The following ITGA4 variants were observed in gnomAD, a reference collection of about 807,000 sequenced individuals.
ITGA4 encodes integrin alpha-4.
Under a neutral mutation model 133.6 loss-of-function variants are expected in ITGA4, and 63 were observed. That is an observed-to-expected ratio of 0.47 (90% CI 0.38 to 0.58). ITGA4 has a LOEUF of 0.58. Ranked by LOEUF, ITGA4 falls within the 20% of genes least tolerant of loss-of-function variation. The probability of loss-of-function intolerance (pLI) is 0.00; values close to 1 mark genes in which losing one functional copy is unlikely to be tolerated. For missense variants in ITGA4, 1,076 were observed against 1,252.7 expected (o/e 0.86, Z 2.13); for synonymous variants, 483 against 438.0 (o/e 1.10, Z -1.28).
Position 181,491,960 on chromosome 2 carries a change from A to G in ITGA4, c.1154-1365A>G, listed in dbSNP as rs114191580. Among the ~76,000 whole-genome samples, 896 of 152,244 alleles carry G rather than the reference A, an allele frequency of 5.9e-3. 7 individuals are homozygous for G. Among genetic ancestry groups the G allele is most frequent in the African/African-American group, 0.021 (855 of 41,560 alleles). ...CCTTTTCTTCACCTGTCTATGACCT[A>G]TGGATACTTTAATCTCATCTTGGGC... On this transcript the variant is annotated intron_variant, in intron 10 of 27. Coordinates refer to ENST00000397033, the MANE Select transcript of ITGA4 (RefSeq NM_000885.6).
At chr2:181,513,550 G>T (rs1272685313) in intron 17 of ITGA4, among the ~76,000 whole-genome samples, 1 of 151,922 alleles carries the variant, frequency 6.6e-6, no homozygotes, top group Non-Finnish European at 1.5e-5. Context: ...ATCCTACCTA[G>T]GTCACTAAGT....
chr2:181,471,743 CTT>C (rs376220855), intron 2 of ITGA4, among the ~76,000 whole-genome samples: 4 of 152,182 alleles, frequency 2.6e-5, no homozygotes, highest in African/African-American at 9.7e-5. Context: ...TTTGGAATCT[CTT>C]CTGCTCACGG....
chr2:181,468,291 G>T (rs1685469043), intron 2 of ITGA4, among the ~76,000 whole-genome samples: 1 of 152,146 alleles, frequency 6.6e-6, no homozygotes, highest in Non-Finnish European at 1.5e-5. Flanking sequence ...TAATATTTTG[G>T]AAGAGAAGTA....
chr2:181,460,915 C>T (rs770326010), intron 2 of ITGA4, among the ~76,000 whole-genome samples: 15 of 151,976 alleles, frequency 9.9e-5, no homozygotes, highest in Non-Finnish European at 4.4e-5. Flanking sequence ...AAAGATCGAT[C>T]TGTGATTGCC....
At chr2:181,528,207 T>A (rs1368230968) in intron 22 of ITGA4, among the ~76,000 whole-genome samples, 1 of 152,198 alleles carries the variant, frequency 6.6e-6, no homozygotes, top group African/African-American at 2.4e-5. Flanking sequence ...TTGCCCCAAA[T>A]CTGTGGAAAA....
intron 17 of ITGA4, 151 bp from the exon 18 acceptor site, chr2:181,522,040 G>A (rs914224217): frequency 4.9e-5 from 21 of 432,528 alleles, no homozygotes; most frequent in Non-Finnish European, 6.5e-5. Context: ...TTTTACATCT[G>A]CTTGCATAGG....
Position 181,522,209 on chromosome 2 carries a change from A to T in ITGA4, c.1941A>T (p.Thr647=). ...TTTTTAGGCCCCATGAAAATAAAACATATCTTGCTGTTGGGAGTATGAAGA... is the reference window on the plus strand; with the variant it reads ...TTTTTAGGCCCCATGAAAATAAAACTTATCTTGCTGTTGGGAGTATGAAGA... ...IGFLKPHENK[T]YLAVGSMKTL... Residue 647 remains threonine, a synonymous_variant, in exon 18 of 28, where the codon ACA becomes ACT. Transcript: ENST00000397033. 1 of 1,585,928 alleles carries T rather than the reference A, an allele frequency of 6.3e-7. No individual in the cohort carries two copies. The highest frequency in any genetic ancestry group is 1.2e-5 in the South Asian group (1 of 86,160).
chr2:181,495,729 CCTT>C lies in ITGA4; in HGVS notation c.1386-53_1386-51del. The C allele has an allele frequency of 6.6e-7, 1 of 1,508,234 alleles. No individual in the cohort carries two copies. The highest frequency in any genetic ancestry group is 1.2e-5 in the South Asian group (1 of 83,384). The allele number at this position is 1,508,234 out of a possible 1,614,324, so 93.4% of individuals were successfully genotyped here. A position where few individuals can be genotyped will look rare whatever the true frequency, so the allele number is the denominator to read the frequency against. On this transcript the variant is annotated intron_variant, in intron 13 of 27. Transcript: ENST00000397033. This position sits in a 1 kb window ranked among gnomAD's most constrained non-coding sequence, Gnocchi z 4.3. ...ACTGAAAAAACAAACGCATTTCTCT[CCTT>C]AAGGAAAAATAATTCTGCAATTAAC...
At chr2:181,504,616 AATTG>A (rs1686354358) in intron 15 of ITGA4, among the ~76,000 whole-genome samples, 1 of 152,046 alleles carries the variant, frequency 6.6e-6, no homozygotes, top group Non-Finnish European at 1.5e-5. Flanking sequence ...TCTAAAAGTG[AATTG>A]ATTATTATAA....
At chr2:181,493,887 A>ACTTC (rs1263299299) in intron 11 of ITGA4, among the ~76,000 whole-genome samples, 1 of 151,860 alleles carries the variant, frequency 6.6e-6, no homozygotes, top group Non-Finnish European at 1.5e-5. Flanking sequence ...TCTTACTCTG[A>ACTTC]CTTCACTTTT....
chr2:181,534,700 T>C, intron 26 of ITGA4, 116 bp from the exon 27 acceptor site: 1 of 837,478 alleles, frequency 1.2e-6, no homozygotes. Context: ...GAAAATGGGC[T>C]GGGCAGTTCT....
chr2:181,531,390 A>G (rs1236583655), intron 24 of ITGA4, among the ~76,000 whole-genome samples: 1 of 152,210 alleles, frequency 6.6e-6, no homozygotes, highest in Non-Finnish European at 1.5e-5. Flanking sequence ...TTTTTTAAAA[A>G]TTCTGTCCCA....
chr2:181,525,159 T>C (rs201200144), intron 20 of ITGA4, 43 bp from the exon 21 acceptor site: 1 of 1,128,234 alleles, frequency 8.9e-7, no homozygotes, highest in Non-Finnish European at 1.4e-6. Context: ...CTGAAGATTT[T>C]TCTGCTTGGT....
Position 181,482,505 on chromosome 2 carries a change from T to A in ITGA4, c.904-9T>A. 6.2e-7 allele frequency: 1 copy of A among 1,613,800 alleles called. No homozygotes were observed. Among genetic ancestry groups the A allele is most frequent in the Non-Finnish European group, 8.5e-7 (1 of 1,179,748 alleles). On this transcript the variant is annotated splice_polypyrimidine_tract_variant and intron_variant, in intron 8 of 27. Coordinates refer to ENST00000397033, the MANE Select transcript of ITGA4 (RefSeq NM_000885.6). ...TCTCAATGAGTGGATCTGGTTTGTT[T>A]TGGGACAGCTTGGATCGTACTTTGG...
chr2:181,535,077 C>T, intron 27 of ITGA4, 142 bp downstream of exon 27: 2 of 859,680 alleles, frequency 2.3e-6, no homozygotes, highest in Non-Finnish European at 3.3e-6. Context: ...TCTCACATTT[C>T]TCTTCAACAC....
chr2:181,494,818 TA>T lies in ITGA4; in HGVS notation c.1339+8del. On this transcript the variant is annotated splice_region_variant and intron_variant, in intron 12 of 27. Coordinates refer to ENST00000397033, the MANE Select transcript of ITGA4 (RefSeq NM_000885.6). Reference sequence around the variant, plus strand: ...AGATAATAATGGCTATGTAGGTGAGTAATTAGTTTATCATAATTTATAAATT... The same window carrying T: ...AGATAATAATGGCTATGTAGGTGAGTATTAGTTTATCATAATTTATAAATT... The T allele has an allele frequency of 7.3e-7, 1 of 1,369,330 alleles. No homozygotes were observed. The highest frequency in any genetic ancestry group is 1.0e-6 in the Non-Finnish European group (1 of 957,362). 84.8% of individuals were successfully genotyped at this position (1,369,330 alleles called of 1,614,324 possible). A position where few individuals can be genotyped will look rare whatever the true frequency, so the allele number is the denominator to read the frequency against.
At chr2:181,526,462 T>C (rs1686831681) in intron 21 of ITGA4, among the ~76,000 whole-genome samples, 2 of 152,198 alleles carry the variant, frequency 1.3e-5, no homozygotes, top group South Asian at 4.1e-4. Context: ...TTATTGCAGA[T>C]AAAAATGTCA....
At chr2:181,458,048 G>A (rs1383843829) in intron 1 of ITGA4, 148 bp from the exon 2 acceptor site, 7 of 1,228,316 alleles carry the variant, frequency 5.7e-6, no homozygotes, top group Non-Finnish European at 8.0e-6. Context: ...GCGTTATGGT[G>A]CAAGGTCTTG....
At chr2:181,470,274 AT>A (rs544579181) in intron 2 of ITGA4, among the ~76,000 whole-genome samples, 46 of 152,204 alleles carry the variant, frequency 3.0e-4, no homozygotes, top group Non-Finnish European at 4.3e-4. Flanking sequence ...AGGAAAAAAA[AT>A]ATGAGATTTT....
Sources: gnomAD v4.1 joint callset for allele counts (sites outside exome capture counted in the v4.1 genomes callset) on GRCh38, gnomAD v4.1.1 for gene constraint, Gnocchi (gnomAD v3.1) non-coding constraint, MANE v1.5 for transcripts, NCBI Gene and HGNC (gene_info 2026-07-23, HGNC 2026-07-21) for gene names.